The following ZNF536 variants were observed in gnomAD, a reference collection of about 807,000 sequenced individuals.
The protein encoded by ZNF536 is zinc finger protein 536.
ZNF536 carries 13 observed loss-of-function variants against 84.5 expected under a neutral mutation model. The observed-to-expected ratio is 0.15, with a 90% CI of 0.10 to 0.24. The LOEUF (loss-of-function observed/expected upper bound fraction) is 0.24, where lower values mean the gene tolerates loss of function less well. Ranked by LOEUF, ZNF536 falls within the 10% of genes least tolerant of loss-of-function variation. The probability of loss-of-function intolerance (pLI) is 1.00; values close to 1 mark genes in which losing one functional copy is unlikely to be tolerated. For missense variants in ZNF536, 1,536 were observed against 1,747.5 expected, an observed-to-expected ratio of 0.88 and a Z score of 2.16; for synonymous variants, 811 against 742.5, an observed-to-expected ratio of 1.09 and a Z score of -1.50.
In ZNF536 at chr19:30,610,774, G is replaced by C. The variant is rs188506409; in HGVS notation, c.169+61260G>C. Among the ~76,000 whole-genome samples, 666 of 152,174 alleles carry C rather than the reference G, an allele frequency of 4.4e-3. 4 individuals carry two copies. Among genetic ancestry groups the C allele is most frequent in the Non-Finnish European group, 7.4e-3 (501 of 67,978 alleles). ...GCAGAGTGTGTGTGTGGAGGCGGGT[G>C]GGGGGGATGAGGACTCAGACATGCA... On this transcript the variant is annotated intron_variant, in intron 1 of 1. Transcript: ENST00000592773.
intron 1 of ZNF536, among the ~76,000 whole-genome samples, chr19:30,242,797 G>A (rs1293909889): frequency 1.3e-5 from 2 of 152,304 alleles, no homozygotes; most frequent in Non-Finnish European, 2.9e-5. Context: ...CTGGCCTTCC[G>A]ATTCGTTACT....
chr19:30,587,090 G>A (rs1040967830), intron 1 of ZNF536, among the ~76,000 whole-genome samples: 1 of 152,218 alleles, frequency 6.6e-6, no homozygotes, highest in Non-Finnish European at 1.5e-5. Context: ...TTTAAGAGGA[G>A]CTATGATACC....
At chr19:30,363,592 A>G (rs1322976315) in intron 3 of ZNF536, among the ~76,000 whole-genome samples, 1 of 152,128 alleles carries the variant, frequency 6.6e-6, no homozygotes, top group Non-Finnish European at 1.5e-5. Flanking sequence ...GCAAAGTAGA[A>G]CACAACCAGT....
At position 30,239,299 on chromosome 19, in the gene ZNF536, G is replaced by C. The variant is rs555055748; in HGVS notation, c.-190+10626G>C. Among the ~76,000 whole-genome samples the C allele has an allele frequency of 8.5e-5, 13 of 152,312 alleles. No individual in the cohort carries two copies. The South Asian group carries it at 2.7e-3, about 32-fold the overall frequency. ...GCAATATCTTATTTAACTTAATTCT[G>C]AGAACACTCTCTGTCTTTTGATGGA... is the stretch of plus-strand genomic sequence containing the variant. On this transcript the variant is annotated intron_variant, in intron 1 of 5. Transcript: ENST00000585628.
chr19:30,618,942 G>T (rs2048390523), intron 1 of ZNF536, among the ~76,000 whole-genome samples: 2 of 151,998 alleles, frequency 1.3e-5, no homozygotes, highest in South Asian at 2.1e-4. Flanking sequence ...GTTTAAAAGT[G>T]CAGTTTTGTA....
chr19:30,704,683 A>G lies in ZNF536; in HGVS notation c.170-6074A>G, dbSNP rs547542647. ...AAAAAAAAAAAAAGAGATAGATGGA[A>G]GTGAGCAGGCCACTGAGGGGCTGCC... On this transcript the variant is annotated intron_variant, in intron 1 of 1. Coordinates refer to the ZNF536 transcript ENST00000592773. Among the ~76,000 whole-genome samples, 293 of 150,598 alleles carry G rather than the reference A, an allele frequency of 1.9e-3. 2 individuals carry two copies. The highest frequency in any genetic ancestry group is 6.8e-3 in the African/African-American group (279 of 41,048).
intron 1 of ZNF536, among the ~76,000 whole-genome samples, chr19:30,664,206 C>T (rs1390512578): frequency 4.5e-4 from 2 of 4,414 alleles, no homozygotes; most frequent in African/African-American, 1.0e-3. Context: ...GCTGAGTTTT[C>T]TCTCTCTCTC....
In ZNF536 at chr19:30,489,262, T is replaced by G. The variant is rs553738891; in HGVS notation, c.2170+43530T>G. On this transcript the variant is annotated intron_variant, in intron 2 of 4. Coordinates refer to ENST00000355537, the MANE Select transcript of ZNF536 (RefSeq NM_014717.3). The stretch of plus-strand genomic sequence containing the variant: ...ATTTGATTGTAGCCATTAACAATCA[T>G]GCATTGAAGAATAACAGTTTCAAAA... Among the ~76,000 whole-genome samples the G allele has an allele frequency of 3.9e-5, 6 of 152,296 alleles. No homozygotes were observed. The South Asian group carries it at 1.2e-3, about 32-fold the overall frequency.
chr19:30,292,814 G>A (rs118166587), intron 2 of ZNF536, among the ~76,000 whole-genome samples: 257 of 152,274 alleles, frequency 1.7e-3, no homozygotes, highest in African/African-American at 4.0e-3. Context: ...TAAGACCCAC[G>A]CCTTATGTTG....
At chr19:30,525,498 G>C (rs999373173) in intron 2 of ZNF536, among the ~76,000 whole-genome samples, 2 of 152,162 alleles carry the variant, frequency 1.3e-5, no homozygotes, top group Non-Finnish European at 2.9e-5. Context: ...GAAATGTCAC[G>C]GCAGGCCATA....
chr19:30,568,433 G>T (rs1306282520), intron 1 of ZNF536, among the ~76,000 whole-genome samples: 2 of 152,178 alleles, frequency 1.3e-5, no homozygotes, highest in East Asian at 1.9e-4. Flanking sequence ...AAATTGAATT[G>T]ATGGGAGCAA....
At chr19:30,568,262 T>C (rs1026061040) in intron 1 of ZNF536, among the ~76,000 whole-genome samples, 1 of 152,138 alleles carries the variant, frequency 6.6e-6, no homozygotes, top group Admixed American at 6.5e-5. Flanking sequence ...GCTCCTGATA[T>C]GTGAAGAAGG....
chr19:30,551,954 T>C (rs1021299238), intron 4 of ZNF536, among the ~76,000 whole-genome samples: 1 of 152,158 alleles, frequency 6.6e-6, no homozygotes, highest in Non-Finnish European at 1.5e-5. Context: ...TGCGGGCTAC[T>C]GTGATATCCC....
At chr19:30,323,620 C>T (rs2046928566) in intron 2 of ZNF536, among the ~76,000 whole-genome samples, 2 of 152,116 alleles carry the variant, frequency 1.3e-5, no homozygotes, top group African/African-American at 4.8e-5. Context: ...AGATCCAGGG[C>T]TGCAGGGTTC....
intron 1 of ZNF536, among the ~76,000 whole-genome samples, chr19:30,601,013 T>A: frequency 6.6e-6 from 1 of 152,328 alleles, no homozygotes; most frequent in South Asian, 2.1e-4. Context: ...GGGTAAAAGG[T>A]CTAAACTCTC....
intron 1 of ZNF536, among the ~76,000 whole-genome samples, chr19:30,404,468 T>C (rs2050183871): frequency 6.6e-6 from 1 of 152,214 alleles, no homozygotes; most frequent in Non-Finnish European, 1.5e-5. Flanking sequence ...AGTGATCAGA[T>C]GTGAAACTTT....
chr19:30,533,956 G>C (rs905296544), intron 2 of ZNF536, among the ~76,000 whole-genome samples: 1 of 152,194 alleles, frequency 6.6e-6, no homozygotes, highest in African/African-American at 2.4e-5. Context: ...GGCCTCGGGG[G>C]CTGCAATAAC....
chr19:30,433,250 C>T (rs909395878), intron 1 of ZNF536, among the ~76,000 whole-genome samples: 3 of 152,312 alleles, frequency 2.0e-5, no homozygotes, highest in African/African-American at 7.2e-5. Flanking sequence ...CCTGCACTCC[C>T]ATCCCACTGT....
rs2148188059 is a variant in ZNF536 at position 30,444,542 on chromosome 19, A to T, written c.980A>T (p.Glu327Val). The change falls in exon 2 of 5, where the codon GAG (glutamate) becomes GTG (valine). Residue 327 changes from glutamate to valine, a missense_variant. Physicochemically the swap from Glu to Val is moderately radical, Grantham distance 121. This residue lies in a region of ZNF536 where 61 missense variants were observed against 104.0 expected (regional missense o/e 0.59). Transcript: ENST00000355537. ...GTGGAGAAGGCACACATCACGGCCG[A>T]GTCGGCCCAGGGCCAGGGCCCCAAC... ...SHVEKAHITA[E>V]SAQGQGPNGG... 1 of 1,613,360 alleles carries T rather than the reference A, an allele frequency of 6.2e-7. No homozygotes were observed. The highest frequency in any genetic ancestry group is 8.5e-7 in the Non-Finnish European group (1 of 1,179,910).
Sources: allele counts gnomAD v4.1 joint callset (sites outside exome capture counted in the v4.1 genomes callset), GRCh38; gene constraint gnomAD v4.1.1; regional missense constraint gnomAD v4.1.1; transcripts MANE v1.5; gene names NCBI Gene and HGNC (gene_info 2026-07-23, HGNC 2026-07-21).